Variants in CHRM3 observed in about 807,000 individuals in gnomAD.
CHRM3 encodes muscarinic acetylcholine receptor M3.
Under a neutral mutation model 41.8 loss-of-function variants are expected in CHRM3, and 11 were observed. The ratio of observed to expected loss-of-function variants is 0.26; its 90% CI spans 0.17 to 0.44. CHRM3 has a LOEUF of 0.44. CHRM3 is among the 20% of genes least tolerant of loss of function. The pLI, the probability that CHRM3 is intolerant of heterozygous loss-of-function variation, is 1.00. For missense variants in CHRM3, 571 were observed against 745.4 expected (o/e 0.77, Z 2.72); for synonymous variants, 297 against 301.4 (o/e 0.99, Z 0.15).
chr1:239,565,655 A>G (rs1412098357), intron 3 of CHRM3, among the ~76,000 whole-genome samples: 1 of 152,196 alleles, frequency 6.6e-6, no homozygotes, highest in Non-Finnish European at 1.5e-5. Context: ...GAAGCAGTTT[A>G]GAATAGTTGC....
At chr1:239,580,707 ACACACACACACACACACACACACACAAG>A (rs1405962878) in intron 3 of CHRM3, among the ~76,000 whole-genome samples, 6 of 126,812 alleles carry the variant, frequency 4.7e-5, no homozygotes, top group Non-Finnish European at 1.0e-4. Flanking sequence ...ATATATATAC[ACACACACACACACACACACACACACAAG>A]TGCATATATA....
chr1:239,461,829 C>T (rs1316061198), intron 1 of CHRM3, among the ~76,000 whole-genome samples: 1 of 151,978 alleles, frequency 6.6e-6, no homozygotes, highest in Non-Finnish European at 1.5e-5. Context: ...CCTCTGGGGA[C>T]ATGTTGGTTG....
At chr1:239,814,568 C>G (rs1671413406) in intron 5 of CHRM3, among the ~76,000 whole-genome samples, 1 of 152,110 alleles carries the variant, frequency 6.6e-6, no homozygotes, top group Non-Finnish European at 1.5e-5. Flanking sequence ...ATTCAAGATG[C>G]CAATGAGATT....
intron 5 of CHRM3, among the ~76,000 whole-genome samples, chr1:239,766,208 T>G (rs1027103594): frequency 1.3e-5 from 2 of 152,154 alleles, no homozygotes; most frequent in African/African-American, 4.8e-5. Flanking sequence ...CCCCGAGGGC[T>G]TATTATCAAA....
intron 2 of CHRM3, among the ~76,000 whole-genome samples, chr1:239,533,022 T>C (rs2148343196): frequency 6.6e-6 from 1 of 152,344 alleles, no homozygotes; most frequent in East Asian, 1.9e-4. Context: ...GGAAATAATA[T>C]ATTATGAAGC....
At chr1:239,740,277 T>C (rs906506099) in intron 5 of CHRM3, among the ~76,000 whole-genome samples, 1 of 152,102 alleles carries the variant, frequency 6.6e-6, no homozygotes, top group African/African-American at 2.4e-5. Flanking sequence ...ATACAACAAC[T>C]GGAAATTGCT....
rs575081814 is a variant in CHRM3 at position 239,684,748 on chromosome 1, G to A, written c.-147+6460G>A. On this transcript the variant is annotated intron_variant, in intron 5 of 6. Transcript: ENST00000676153. ...AAAGGAAAGGAAAGAGAGAAAGAAA[G>A]AGAAAGAAAGAAAGAAAGAAAGAGA... is the stretch of plus-strand genomic sequence containing the variant. Among the ~76,000 whole-genome samples, 238 of 107,796 alleles carry A rather than the reference G, an allele frequency of 2.2e-3. 1 individual carries two copies. The highest frequency in any genetic ancestry group is 7.8e-3 in the African/African-American group (226 of 29,052). 70.7% of individuals were successfully genotyped at this position (107,796 alleles called of 152,430 possible). A position where few individuals can be genotyped will look rare whatever the true frequency, so the allele number is the denominator to read the frequency against.
chr1:239,501,591 C>A (rs1023800396), intron 2 of CHRM3, among the ~76,000 whole-genome samples: 6 of 152,162 alleles, frequency 3.9e-5, no homozygotes, highest in Non-Finnish European at 8.8e-5. Context: ...CGTGGTGGCT[C>A]ATGCCTGTAA....
intron 6 of CHRM3, among the ~76,000 whole-genome samples, chr1:239,828,075 A>G (rs1264195147): frequency 6.6e-6 from 1 of 152,228 alleles, no homozygotes; most frequent in Non-Finnish European, 1.5e-5. Flanking sequence ...GCAATGGTGA[A>G]GTAAACACAG....
chr1:239,540,816 T>C (rs1658701751), intron 2 of CHRM3, among the ~76,000 whole-genome samples: 1 of 152,212 alleles, frequency 6.6e-6, no homozygotes, highest in African/African-American at 2.4e-5. Context: ...TAAAGTATTA[T>C]ATAAGTATAG....
At chr1:239,818,820 T>C (rs183792255) in intron 5 of CHRM3, among the ~76,000 whole-genome samples, 59 of 152,258 alleles carry the variant, frequency 3.9e-4, no homozygotes, top group African/African-American at 1.3e-3. Flanking sequence ...ACAAAGCAGA[T>C]TGGACATTTC....
At chr1:239,789,243 T>C (rs550319928) in intron 5 of CHRM3, among the ~76,000 whole-genome samples, 35 of 152,340 alleles carry the variant, frequency 2.3e-4, no homozygotes, top group Non-Finnish European at 4.1e-4. Context: ...GCTCAAATTA[T>C]GCCTAATTAC....
At chr1:239,811,972 T>A (rs1322804145) in intron 5 of CHRM3, among the ~76,000 whole-genome samples, 2 of 152,254 alleles carry the variant, frequency 1.3e-5, no homozygotes, top group Non-Finnish European at 2.9e-5. Flanking sequence ...AGTCAGTGTT[T>A]AATTCATATC....
At chr1:239,573,452 C>T (rs1018477405) in intron 3 of CHRM3, among the ~76,000 whole-genome samples, 4 of 152,008 alleles carry the variant, frequency 2.6e-5, no homozygotes, top group Non-Finnish European at 4.4e-5. Flanking sequence ...GGGAAATTCT[C>T]TTCCCTAAGC....
At chr1:239,797,572 C>G (rs944236195) in intron 5 of CHRM3, among the ~76,000 whole-genome samples, 2 of 152,100 alleles carry the variant, frequency 1.3e-5, no homozygotes, top group African/African-American at 4.8e-5. Context: ...AAAAGAGCAG[C>G]AGTAGTTTGT....
At chr1:239,756,780 T>C in intron 5 of CHRM3, among the ~76,000 whole-genome samples, 1 of 152,216 alleles carries the variant, frequency 6.6e-6, no homozygotes, top group East Asian at 1.9e-4. Context: ...CTGTTCACTT[T>C]TCTCAGTGCT....
intron 5 of CHRM3, among the ~76,000 whole-genome samples, chr1:239,795,524 T>C: frequency 6.6e-6 from 1 of 152,196 alleles, no homozygotes; most frequent in East Asian, 1.9e-4. Context: ...TGTGTGGAAG[T>C]TGGCTCTCTT....
chr1:239,870,991 C>T (rs1027538131), intron 6 of CHRM3, among the ~76,000 whole-genome samples: 4 of 151,924 alleles, frequency 2.6e-5, no homozygotes, highest in African/African-American at 9.7e-5. Context: ...CTGGCGGGGA[C>T]GTGCTGCTCT....
At chr1:239,866,404 A>G (rs935997901) in intron 6 of CHRM3, among the ~76,000 whole-genome samples, 2 of 151,620 alleles carry the variant, frequency 1.3e-5, no homozygotes, top group African/African-American at 4.9e-5. Context: ...TGTCTCAAAA[A>G]CAAAAAAAAA....
Sources: allele counts gnomAD v4.1 joint callset (sites outside exome capture counted in the v4.1 genomes callset), GRCh38; gene constraint gnomAD v4.1.1; transcripts MANE v1.5; gene names NCBI Gene and HGNC (gene_info 2026-07-23, HGNC 2026-07-21).